The following RAPGEF2 variants were observed in gnomAD, a reference collection of about 807,000 sequenced individuals.
RAPGEF2 encodes the protein PDZ domain containing guanine nucleotide exchange factor (GEF) 1.
A neutral mutation model predicts 186.7 loss-of-function variants in RAPGEF2; 54 were observed. That is an observed-to-expected ratio of 0.29 (90% CI 0.23 to 0.36). The LOEUF (loss-of-function observed/expected upper bound fraction) is 0.36. Among genes scored for constraint, RAPGEF2 ranks in the 10% least tolerant of loss-of-function variants. The pLI, the probability that RAPGEF2 is intolerant of heterozygous loss-of-function variation, is 1.00. For missense variants in RAPGEF2, 1,532 were observed against 2,045.0 expected, an observed-to-expected ratio of 0.75 and a Z score of 4.84; for synonymous variants, 712 against 705.9, an observed-to-expected ratio of 1.01 and a Z score of -0.14.
intron 7 of RAPGEF2, among the ~76,000 whole-genome samples, chr4:159,247,554 A>G (rs1754785435): frequency 6.6e-6 from 1 of 152,184 alleles, no homozygotes; most frequent in Non-Finnish European, 1.5e-5. Flanking sequence ...GAGGTGTGAC[A>G]TACTGAGATT....
intron 1 of RAPGEF2, among the ~76,000 whole-genome samples, chr4:159,172,998 C>G (rs1404831043): frequency 6.6e-6 from 1 of 152,102 alleles, no homozygotes; most frequent in Non-Finnish European, 1.5e-5. Flanking sequence ...TTGAACAGAC[C>G]TAAAATTTCT....
intron 3 of RAPGEF2, among the ~76,000 whole-genome samples, chr4:159,209,391 A>G (rs10018729): frequency 0.016 from 2,368 of 152,308 alleles, 73 homozygotes; most frequent in African/African-American, 0.054. Flanking sequence ...CACTAAAGTC[A>G]CCCTGACCTT....
Position 159,355,884 on chromosome 4 carries a change from G to GCCC in RAPGEF2, c.4684_4686dup (p.Pro1562dup). 6 of 694,188 alleles carry GCCC rather than the reference G, an allele frequency of 8.6e-6. No homozygotes were observed. Among genetic ancestry groups the GCCC allele is most frequent in the African/African-American group, 2.5e-5 (1 of 39,566 alleles). The allele number at this position is 694,188 out of a possible 1,614,324, so 43.0% of individuals were successfully genotyped here. A position where few individuals can be genotyped will look rare whatever the true frequency, so the allele number is the denominator to read the frequency against. ...AGGAGGGCAGGTATCGAGAGCCCCC[G>GCCC]CCCACCCCTCCCGGCTACATTGGAA... On this transcript the variant is annotated inframe_insertion, in exon 29 of 30. Coordinates refer to ENST00000691494, the MANE Select transcript of RAPGEF2 (RefSeq NM_001394067.2).
intron 1 of RAPGEF2, among the ~76,000 whole-genome samples, chr4:159,112,156 G>C (rs1409742683): frequency 1.3e-5 from 2 of 152,164 alleles, no homozygotes; most frequent in African/African-American, 4.8e-5. Flanking sequence ...ATGAATTTCT[G>C]TTGTTAGTGA....
chr4:159,195,816 AATT>A (rs1748579018), intron 3 of RAPGEF2, among the ~76,000 whole-genome samples: 1 of 150,876 alleles, frequency 6.6e-6, no homozygotes, highest in African/African-American at 2.4e-5. Context: ...ACTGCCTAAC[AATT>A]ATTATTGATT....
At chr4:159,279,050 T>C (rs1161123635) in intron 7 of RAPGEF2, among the ~76,000 whole-genome samples, 6 of 152,214 alleles carry the variant, frequency 3.9e-5, no homozygotes, top group African/African-American at 1.4e-4. Flanking sequence ...AGCAACCTTC[T>C]TTTTACTAGT....
chr4:159,167,378 G>A (rs554379865), intron 1 of RAPGEF2, among the ~76,000 whole-genome samples: 3 of 152,298 alleles, frequency 2.0e-5, no homozygotes, highest in African/African-American at 2.4e-5. Context: ...TCAGAGTCCA[G>A]GAGTCAGTTG....
At position 159,353,977 on chromosome 4, in the gene RAPGEF2, G is replaced by A; in HGVS notation, c.4582G>A (p.Glu1528Lys). The A allele has an allele frequency of 6.2e-7, 1 of 1,613,560 alleles. No homozygotes were observed. Among genetic ancestry groups the A allele is most frequent in the Non-Finnish European group, 8.5e-7 (1 of 1,179,930 alleles). ...CAGTAGCCTAACGTCTGTGACTACG[G>A]AAGAAACCAAGCCTGTCCCCATGCC... ...ESSSLTSVTT[E>K]ETKPVPMPAH... The change falls in exon 28 of 30, where the codon GAA becomes AAA. Residue 1528 changes from glutamate to lysine, a missense_variant. Coordinates refer to ENST00000691494, the MANE Select transcript of RAPGEF2 (RefSeq NM_001394067.2). The surrounding 1 kb of genome is among the most constrained non-coding windows in gnomAD (Gnocchi z 4.3).
At chr4:159,157,821 G>A (rs972697572) in intron 1 of RAPGEF2, among the ~76,000 whole-genome samples, 2 of 152,140 alleles carry the variant, frequency 1.3e-5, no homozygotes, top group Non-Finnish European at 2.9e-5. Context: ...GAAAGGAATG[G>A]TCCTTCTTTT....
chr4:159,329,091 C>T (rs1200928176), intron 11 of RAPGEF2: 1 of 152,090 alleles, frequency 6.6e-6, no homozygotes, highest in African/African-American at 2.4e-5. Flanking sequence ...CTTGTCTCCT[C>T]ACTGACCTCT....
rs1470224480 is a variant in RAPGEF2 at position 159,323,575 on chromosome 4, A to G, written c.1107A>G (p.Glu369=). The stretch of plus-strand genomic sequence containing the variant: ...GTGTCTCTCCTACCATGGACAAAGA[A>G]TACATGAAAGGAGTGATGAGAACAA... The part of the protein sequence containing the change: ...SFGVSPTMDK[E]YMKGVMRTKV... Residue 369 remains glutamate, a synonymous_variant, in exon 11 of 30, where the codon GAA becomes GAG. Coordinates refer to ENST00000691494, the MANE Select transcript of RAPGEF2 (RefSeq NM_001394067.2). 2 of 1,610,808 alleles carry G rather than the reference A, an allele frequency of 1.2e-6. No individual in the cohort carries two copies. Among genetic ancestry groups the G allele is most frequent in the Admixed American group, 3.3e-5 (2 of 59,764 alleles).
intron 7 of RAPGEF2, among the ~76,000 whole-genome samples, chr4:159,246,725 A>G (rs943080400): frequency 1.3e-5 from 2 of 152,190 alleles, no homozygotes; most frequent in African/African-American, 4.8e-5. Flanking sequence ...AATAAGAAGT[A>G]GGCAATATTT....
chr4:159,259,719 GA>G, intron 7 of RAPGEF2, among the ~76,000 whole-genome samples: 1 of 151,988 alleles, frequency 6.6e-6, no homozygotes, highest in Admixed American at 6.5e-5. Context: ...TTTTAGAGGT[GA>G]AAAAAATACC....
At chr4:159,357,925 A>C (rs1473357584) in intron 29 of RAPGEF2, among the ~76,000 whole-genome samples, 189 bp from the exon 30 acceptor site, 1 of 152,024 alleles carries the variant, frequency 6.6e-6, no homozygotes, top group African/African-American at 2.4e-5. Context: ...AAAGATATGT[A>C]TTGCATACAT....
intron 7 of RAPGEF2, among the ~76,000 whole-genome samples, chr4:159,276,751 G>A (rs1758933138): frequency 6.6e-6 from 1 of 150,994 alleles, no homozygotes; most frequent in South Asian, 2.1e-4. Flanking sequence ...TTTCCCCTCT[G>A]AAAAAAATGA....
chr4:159,267,375 T>G (rs774508510), intron 7 of RAPGEF2: 152 of 1,241,968 alleles, frequency 1.2e-4, no homozygotes, highest in Non-Finnish European at 1.4e-4. Flanking sequence ...AGATTGTGTG[T>G]GTGCATGTGC....
At chr4:159,302,725 C>A (rs192174867) in intron 7 of RAPGEF2, among the ~76,000 whole-genome samples, 36 of 152,110 alleles carry the variant, frequency 2.4e-4, no homozygotes, top group African/African-American at 7.7e-4. Flanking sequence ...TTGCCTATCC[C>A]TTACAGATAA....
At chr4:159,283,690 A>C (rs1012916301) in intron 7 of RAPGEF2, among the ~76,000 whole-genome samples, 14 of 152,188 alleles carry the variant, frequency 9.2e-5, no homozygotes, top group African/African-American at 3.4e-4. Context: ...AAGTTTTTTA[A>C]TATATTGAAG....
chr4:159,281,145 C>T (rs1183002479), intron 7 of RAPGEF2, among the ~76,000 whole-genome samples: 1 of 151,938 alleles, frequency 6.6e-6, no homozygotes, highest in Non-Finnish European at 1.5e-5. Context: ...GCACGCACTA[C>T]CACGTGCAGC....
Sources: allele counts gnomAD v4.1 joint callset (sites outside exome capture counted in the v4.1 genomes callset), GRCh38; gene constraint gnomAD v4.1.1; non-coding constraint Gnocchi (gnomAD v3.1); transcripts MANE v1.5; gene names NCBI Gene and HGNC (gene_info 2026-07-23, HGNC 2026-07-21).